Variants in MLYCD observed in about 807,000 individuals in gnomAD.
The protein encoded by MLYCD is malonyl-CoA decarboxylase, mitochondrial.
MLYCD carries 27 observed loss-of-function variants against 35.8 expected under a neutral mutation model. That is an observed-to-expected ratio of 0.75 (90% CI 0.56 to 1.04). The LOEUF (loss-of-function observed/expected upper bound fraction) is 1.04, where lower values mean the gene tolerates loss of function less well. Among genes scored for constraint, MLYCD ranks in the 50% least tolerant of loss-of-function variants. The pLI, the probability that MLYCD is intolerant of heterozygous loss-of-function variation, is 0.00. For missense variants in MLYCD, 917 were observed against 665.1 expected, an observed-to-expected ratio of 1.38 and a Z score of -4.17; for synonymous variants, 403 against 302.4, an observed-to-expected ratio of 1.33 and a Z score of -3.45.
Position 83,914,975 on chromosome 16 carries a change from G to C in MLYCD, c.968G>C (p.Gly323Ala). The change falls in exon 5 of 5, where the codon GGG becomes GCG. Residue 323 changes from glycine (G) to alanine (A), a missense_variant. Coordinates refer to ENST00000262430, the MANE Select transcript of MLYCD (RefSeq NM_012213.3). ...KELQREFPHL[G>A]VFSSLSPIPG... ...TTACAGAGAGAGTTTCCTCACCTTG[G>C]GGTGTTTTCAAGTCTGTCACCTATA... The C allele has an allele frequency of 6.2e-7, 1 of 1,614,204 alleles. No individual in the cohort carries two copies. Among genetic ancestry groups the C allele is most frequent in the African/African-American group, 1.3e-5 (1 of 75,046 alleles).
chr16:83,906,176 C>T (rs1030689286), intron 1 of MLYCD, among the ~76,000 whole-genome samples: 8 of 152,074 alleles, frequency 5.3e-5, no homozygotes, highest in African/African-American at 1.9e-4. Context: ...TGCCTGTGCT[C>T]AGGAGCTCGA....
intron 1 of MLYCD, among the ~76,000 whole-genome samples, chr16:83,905,648 G>A (rs920176022): frequency 6.6e-6 from 1 of 152,150 alleles, no homozygotes; most frequent in African/African-American, 2.4e-5. Flanking sequence ...GAAAAAGATG[G>A]GCCAAGGGCC....
intron 4 of MLYCD, chr16:83,913,869 C>T (rs901243247): frequency 1.3e-5 from 2 of 150,150 alleles, no homozygotes; most frequent in Admixed American, 1.3e-4. Context: ...CCACGAATGC[C>T]CAACGAGAGG....
At chr16:83,908,729 G>A (rs1907069329) in intron 3 of MLYCD, among the ~76,000 whole-genome samples, 1 of 152,230 alleles carries the variant, frequency 6.6e-6, no homozygotes, top group Non-Finnish European at 1.5e-5. Context: ...ACACTCCTTG[G>A]CGAGTGGAGG....
chr16:83,908,188 G>C lies in MLYCD; in HGVS notation c.704G>C (p.Arg235Thr). Residue 235 changes from arginine (R) to threonine (T), a missense_variant, in exon 3 of 5, where the codon AGA (arginine) becomes ACA (threonine). Arg to Thr is a moderately conservative substitution (Grantham distance 71). Transcript: ENST00000262430. ...ATGAAGCGCCGCGTTGGGCCCTACA[G>C]AAGGTGTTACTTCTTTTCTCACTGT... ...MDMKRRVGPY[R>T]RCYFFSHCST... 1 of 1,614,250 alleles carries C rather than the reference G, an allele frequency of 6.2e-7. No individual in the cohort carries two copies. The highest frequency in any genetic ancestry group is 8.5e-7 in the Non-Finnish European group (1 of 1,180,054).
rs1907345146 is a variant in MLYCD, at chr16:83,915,406, T to C, written c.1399T>C (p.Ser467Pro). Residue 467 changes from serine (S) to proline (P), a missense_variant, in exon 5 of 5, where the codon TCC (serine) becomes CCC (proline). Transcript: ENST00000262430. The stretch of plus-strand genomic sequence containing the variant: ...GGAGGAGACGGGCCCCAACAGCACC[T>C]CCTACCTCGGCTCCAAGATCATCAA... ...FLEETGPNST[S>P]YLGSKIIKAS... 6.2e-7 allele frequency: 1 copy of C among 1,613,702 alleles called. No individual in the cohort carries two copies. Among genetic ancestry groups the C allele is most frequent in the African/African-American group, 1.3e-5 (1 of 74,928 alleles).
chr16:83,911,169 G>C lies in MLYCD; in HGVS notation c.799-1049G>C, dbSNP rs544684614. On this transcript the variant is annotated intron_variant, in intron 3 of 4. Transcript: ENST00000262430. ...TTTTTTTTGTATTTTTAGTAGAGACGGGGTTTCACCGTGTTAGCCAGGGTG... is the reference window on the plus strand; with the variant it reads ...TTTTTTTTGTATTTTTAGTAGAGACCGGGTTTCACCGTGTTAGCCAGGGTG... Among the ~76,000 whole-genome samples the C allele has an allele frequency of 1.1e-3, 164 of 152,042 alleles. 1 individual carries two copies. Among genetic ancestry groups the C allele is most frequent in the African/African-American group, 3.8e-3 (157 of 41,474 alleles).
rs1295094520 is a variant in MLYCD, at chr16:83,918,556, GCA to G, written c.*3073_*3074del. 6 of 109,626 alleles carry G rather than the reference GCA, an allele frequency of 5.5e-5. No homozygotes were observed. The highest frequency in any genetic ancestry group is 6.8e-5 in the Non-Finnish European group (4 of 58,746). The allele number at this position is 109,626 out of a possible 1,614,324, so 6.8% of individuals were successfully genotyped here. Reference sequence around the variant, plus strand: ...GAACACATGGTGCACAGGAGAACACGCACACACGGTGCACAGAACACACACAG... The same window carrying G: ...GAACACATGGTGCACAGGAGAACACGCACACGGTGCACAGAACACACACAG... On this transcript the variant is annotated 3_prime_UTR_variant, in exon 5 of 5. Transcript: ENST00000262430.
rs1907788945 is a variant in MLYCD, at chr16:83,925,830, A to C, written c.*10341A>C. 1 of 152,440 alleles carries C rather than the reference A, an allele frequency of 6.6e-6. No homozygotes were observed. The allele number at this position is 152,440 out of a possible 1,614,324, so 9.4% of individuals were successfully genotyped here. A position where few individuals can be genotyped will look rare whatever the true frequency, so the allele number is the denominator to read the frequency against. On this transcript the variant is annotated 3_prime_UTR_variant, in exon 5 of 5. Transcript: ENST00000262430. Reference sequence around the variant, plus strand: ...GTTCATCCATCGTCCTCTCCTCAGGAAGATTTCCCTGGTGGCTTGACTAGG... The same window carrying C: ...GTTCATCCATCGTCCTCTCCTCAGGCAGATTTCCCTGGTGGCTTGACTAGG...
rs762308954 is a variant in MLYCD at position 83,907,100 on chromosome 16, GT to G, written c.641+2del. The G allele has an allele frequency of 6.2e-7, 1 of 1,607,466 alleles. No individual in the cohort carries two copies. Among genetic ancestry groups the G allele is most frequent in the South Asian group, 1.1e-5 (1 of 90,948 alleles). ...GTGAAGTGCTTCAGAAAATCAGTGAGTAAGTATTACGGTTTTCATTTTCTTT... is the reference window on the plus strand; with the variant it reads ...GTGAAGTGCTTCAGAAAATCAGTGAGAAGTATTACGGTTTTCATTTTCTTT... On this transcript the variant is annotated splice_donor_variant, in intron 2 of 4. Coordinates refer to ENST00000262430, the MANE Select transcript of MLYCD (RefSeq NM_012213.3). LOFTEE classifies it high-confidence loss of function.
chr16:83,899,416 T>A lies in MLYCD; in HGVS notation c.272T>A (p.Leu91Gln). The A allele has an allele frequency of 6.6e-7, 1 of 1,515,172 alleles. No individual in the cohort carries two copies. The highest frequency in any genetic ancestry group is 8.8e-7 in the Non-Finnish European group (1 of 1,140,670). The allele number at this position is 1,515,172 out of a possible 1,614,324, so 93.9% of individuals were successfully genotyped here. A position where few individuals can be genotyped will look rare whatever the true frequency, so the allele number is the denominator to read the frequency against. Reference sequence around the variant, plus strand: ...CAGCGGGCCGAACTGCTGGGCCGCCTGGCGCGGGGCTTCGGCGTGGACCAC... The same window carrying A: ...CAGCGGGCCGAACTGCTGGGCCGCCAGGCGCGGGGCTTCGGCGTGGACCAC... ...TAQRAELLGR[L>Q]ARGFGVDHGQ... Residue 91 changes from leucine to glutamine, a missense_variant, in exon 1 of 5, where the codon CTG becomes CAG. Physicochemically the swap from Leu to Gln is moderately radical, Grantham distance 113. Transcript: ENST00000262430.
rs1907200732 is a variant in MLYCD at position 83,912,134 on chromosome 16, T to C, written c.799-84T>C. 8.9e-6 allele frequency: 14 copies of C among 1,581,674 alleles called. No homozygotes were observed. The East Asian group carries it at 1.8e-4, about 20-fold the overall frequency. On this transcript the variant is annotated intron_variant, in intron 3 of 4. Coordinates refer to ENST00000262430, the MANE Select transcript of MLYCD (RefSeq NM_012213.3). ...CCAGCTCCTTCAGTGCTCTGAGAAT[T>C]GTCTTCTCGTCCCAGCAACAGGCTT...
Position 83,915,297 on chromosome 16 carries a change from G to A in MLYCD, c.1290G>A (p.Leu430=). ...ANFHLQNGAV[L]WRINWMADVS... is the part of the protein sequence containing the mutation. Reference sequence around the variant, plus strand: ...TCCACCTGCAGAACGGGGCGGTGCTGTGGCGCATCAACTGGATGGCGGATG... The same window carrying A: ...TCCACCTGCAGAACGGGGCGGTGCTATGGCGCATCAACTGGATGGCGGATG... The change falls in exon 5 of 5, where the codon CTG becomes CTA. Residue 430 remains leucine, a synonymous_variant. Coordinates refer to ENST00000262430, the MANE Select transcript of MLYCD (RefSeq NM_012213.3). The A allele has an allele frequency of 1.9e-6, 3 of 1,613,786 alleles. No individual in the cohort carries two copies. The highest frequency in any genetic ancestry group is 2.5e-6 in the Non-Finnish European group (3 of 1,179,740).
rs1389436887 is a variant in MLYCD at position 83,899,135 on chromosome 16, G to C, written c.-10G>C. ...GCGGCGCTCCCCCTCGGCAGCTGTT[G>C]TGGGGCACCATGCGAGGCTTCGGGC... On this transcript the variant is annotated 5_prime_UTR_variant, in exon 1 of 5. Coordinates refer to ENST00000262430, the MANE Select transcript of MLYCD (RefSeq NM_012213.3). The C allele has an allele frequency of 4.4e-6, 5 of 1,128,946 alleles. No homozygotes were observed. Among genetic ancestry groups the C allele is most frequent in the Non-Finnish European group, 5.4e-6 (5 of 925,172 alleles). 69.9% of individuals were successfully genotyped at this position (1,128,946 alleles called of 1,614,324 possible).
chr16:83,905,522 G>C (rs1317001494), intron 1 of MLYCD, among the ~76,000 whole-genome samples: 1 of 152,168 alleles, frequency 6.6e-6, no homozygotes. Flanking sequence ...ATTCAGACTT[G>C]AATCTTGTTG....
rs1256600968 is a variant in MLYCD, at chr16:83,916,568, GTC to G, written c.*1083_*1084del. ...CACGTCTGTGTGCATGTGCCCGAGC[GTC>G]TCTGTGTGGATCAGTGCACGTCTGT... On this transcript the variant is annotated 3_prime_UTR_variant, in exon 5 of 5. Transcript: ENST00000262430. The G allele has an allele frequency of 2.7e-4, 41 of 151,056 alleles. No individual in the cohort carries two copies. Among genetic ancestry groups the G allele is most frequent in the South Asian group, 6.3e-4 (3 of 4,774 alleles). 9.4% of individuals were successfully genotyped at this position (151,056 alleles called of 1,614,324 possible).
intron 1 of MLYCD, 59 bp downstream of exon 1, chr16:83,899,731 C>T (rs1906714632): frequency 2.1e-6 from 3 of 1,447,892 alleles, no homozygotes; most frequent in Non-Finnish European, 2.7e-6. Context: ...TCGAGTAGTC[C>T]TCACTTGCCC....
At chr16:83,912,131 A>C in intron 3 of MLYCD, 87 bp from the exon 4 acceptor site, 1 of 1,576,608 alleles carries the variant, frequency 6.3e-7, no homozygotes, top group Non-Finnish European at 8.7e-7. Flanking sequence ...GTGCTCTGAG[A>C]ATTGTCTTCT....
chr16:83,907,176 G>T, intron 2 of MLYCD, 77 bp downstream of exon 2: 1 of 1,249,634 alleles, frequency 8.0e-7, no homozygotes, highest in Non-Finnish European at 1.2e-6. Context: ...TTGGCTAAAA[G>T]CTAATCTATC....
Sources: gnomAD v4.1 joint callset for allele counts (sites outside exome capture counted in the v4.1 genomes callset) on GRCh38, gnomAD v4.1.1 for gene constraint, MANE v1.5 for transcripts, NCBI Gene and HGNC (gene_info 2026-07-23, HGNC 2026-07-21) for gene names.